The following KIAA1549 variants were observed in gnomAD, a reference collection of about 807,000 sequenced individuals.
KIAA1549 encodes KIAA1549.
A neutral mutation model predicts 156.4 loss-of-function variants in KIAA1549; 70 were observed. The ratio of observed to expected loss-of-function variants is 0.45; its 90% CI spans 0.37 to 0.55. The LOEUF (loss-of-function observed/expected upper bound fraction) is 0.55, where lower values mean the gene tolerates loss of function less well. Ranked by LOEUF, KIAA1549 falls within the 20% of genes least tolerant of loss-of-function variation. The pLI is 0.00. For missense variants in KIAA1549, 2,428 were observed against 2,540.9 expected, an observed-to-expected ratio of 0.96 and a Z score of 0.96; for synonymous variants, 1,103 against 1,066.4, an observed-to-expected ratio of 1.03 and a Z score of -0.67.
chr7:138,971,297 C>G (rs2130572498), intron 1 of KIAA1549, among the ~76,000 whole-genome samples: 1 of 152,278 alleles, frequency 6.6e-6, no homozygotes, highest in East Asian at 1.9e-4. Context: ...TCCAGATCTG[C>G]TCGCCTCCCA....
chr7:138,955,072 C>T (rs1813621825), intron 1 of KIAA1549, among the ~76,000 whole-genome samples: 1 of 152,170 alleles, frequency 6.6e-6, no homozygotes, highest in Non-Finnish European at 1.5e-5. Flanking sequence ...ATTCAAACAC[C>T]GATCAGTGTC....
chr7:138,933,165 A>G (rs888433266), intron 1 of KIAA1549, among the ~76,000 whole-genome samples: 7 of 152,206 alleles, frequency 4.6e-5, no homozygotes, highest in Admixed American at 1.3e-4. Flanking sequence ...AGTCAACTTC[A>G]TGAGCAGTTT....
chr7:138,840,366 T>TTC lies in KIAA1549; in HGVS notation c.5453-89_5453-88insGA. ...GGCTGCCGAGGAAGACACTGTCAAC[T>TTC]CTGACCACTACACTCCTTAATGACA... is the stretch of plus-strand genomic sequence containing the variant. On this transcript the variant is annotated intron_variant, in intron 18 of 19. Transcript: ENST00000422774. 3.4e-6 allele frequency: 4 copies of TTC among 1,178,202 alleles called. No homozygotes were observed. The South Asian group carries it at 4.5e-5, about 13-fold the overall frequency. The allele number at this position is 1,178,202 out of a possible 1,614,324, so 73.0% of individuals were successfully genotyped here. A position where few individuals can be genotyped will look rare whatever the true frequency, so the allele number is the denominator to read the frequency against.
chr7:138,955,063 T>C (rs1467422235), intron 1 of KIAA1549, among the ~76,000 whole-genome samples: 1 of 152,204 alleles, frequency 6.6e-6, no homozygotes, highest in African/African-American at 2.4e-5. Context: ...CATGTCTTCA[T>C]TCAAACACCG....
chr7:138,978,263 AC>A lies in KIAA1549; in HGVS notation c.187+2819del, dbSNP rs1046627046. Among the ~76,000 whole-genome samples, 63 of 152,284 alleles carry A rather than the reference AC, an allele frequency of 4.1e-4. 2 individuals are homozygous for A. Among genetic ancestry groups the A allele is most frequent in the African/African-American group, 1.3e-3 (54 of 41,556 alleles). On this transcript the variant is annotated intron_variant, in intron 1 of 19. Coordinates refer to ENST00000422774, the MANE Select transcript of KIAA1549 (RefSeq NM_001164665.2). The stretch of plus-strand genomic sequence containing the variant: ...GAGATTATGGGTGACTGGTTTCTGT[AC>A]CTTTCAGTAATTTCCAAATTCCCTA...
chr7:138,880,759 A>C (rs1439911613), intron 11 of KIAA1549, among the ~76,000 whole-genome samples: 4 of 152,194 alleles, frequency 2.6e-5, no homozygotes, highest in Non-Finnish European at 5.9e-5. Flanking sequence ...AGGGGCTTCC[A>C]GGTAGCCTGG....
intron 1 of KIAA1549, among the ~76,000 whole-genome samples, chr7:138,925,180 A>G (rs1376298924): frequency 6.6e-6 from 1 of 152,218 alleles, no homozygotes; most frequent in East Asian, 1.9e-4. Context: ...TACAGTAGTG[A>G]GGAAGATGCC....
intron 12 of KIAA1549, among the ~76,000 whole-genome samples, chr7:138,876,950 T>A (rs1048665678): frequency 3.3e-5 from 5 of 152,176 alleles, no homozygotes; most frequent in African/African-American, 7.2e-5. Flanking sequence ...AACAACAGTG[T>A]TCTCTCAGCT....
intron 1 of KIAA1549, among the ~76,000 whole-genome samples, chr7:138,941,093 T>C (rs1813171075): frequency 6.6e-6 from 1 of 152,020 alleles, no homozygotes; most frequent in Non-Finnish European, 1.5e-5. Context: ...AATTAAAAAA[T>C]AATTTAAAAA....
At position 138,899,150 on chromosome 7, in the gene KIAA1549, C is replaced by A. The variant is rs774593496; in HGVS notation, c.3670-18G>T. The A allele has an allele frequency of 6.2e-7, 1 of 1,610,870 alleles. No homozygotes were observed. Among genetic ancestry groups the A allele is most frequent in the Non-Finnish European group, 8.5e-7 (1 of 1,177,318 alleles). On this transcript the variant is annotated intron_variant, in intron 8 of 19. Transcript: ENST00000422774. The stretch of plus-strand genomic sequence containing the variant: ...TTTACCACCTGAAAGATAGCAGAAA[C>A]CATTCACATTGCAGAAGCTCATGTT...
Position 138,865,440 on chromosome 7 carries a change from G to GAA in KIAA1549, c.4929+2533_4929+2534dup, listed in dbSNP as rs112459701. ...ACTTCCCTAGTATAGGCTTGAAGAT[G>GAA]AAAAAAAAAAACCCTGTACATGTAC... On this transcript the variant is annotated intron_variant, in intron 15 of 19. Coordinates refer to ENST00000422774, the MANE Select transcript of KIAA1549 (RefSeq NM_001164665.2). Among the ~76,000 whole-genome samples, 261 of 142,344 alleles carry GAA rather than the reference G, an allele frequency of 1.8e-3. 1 individual carries two copies. Among genetic ancestry groups the GAA allele is most frequent in the African/African-American group, 6.0e-3 (235 of 39,120 alleles). The allele number at this position is 142,344 out of a possible 152,430, so 93.4% of individuals were successfully genotyped here. A position where few individuals can be genotyped will look rare whatever the true frequency, so the allele number is the denominator to read the frequency against.
chr7:138,915,607 CAG>C (rs915021568), intron 2 of KIAA1549, among the ~76,000 whole-genome samples: 1 of 152,016 alleles, frequency 6.6e-6, no homozygotes, highest in African/African-American at 2.4e-5. Context: ...ACCCCGACCA[CAG>C]AGAGGAAAAG....
chr7:138,970,529 A>C lies in KIAA1549; in HGVS notation c.187+10554T>G, dbSNP rs954202975. ...AACCAACAATCTTTGAAGTACACCC[A>C]ACTTCAATGAGAAACTGCACAGTTC... On this transcript the variant is annotated intron_variant, in intron 1 of 19. Coordinates refer to ENST00000422774, the MANE Select transcript of KIAA1549 (RefSeq NM_001164665.2). 5.9e-5 allele frequency among the ~76,000 whole-genome samples: 9 copies of C among 152,330 alleles called. No individual in the cohort carries two copies. In the East Asian group the frequency reaches 1.7e-3, roughly 29 times the overall value.
chr7:138,856,519 GTC>G (rs1325968083), intron 16 of KIAA1549, among the ~76,000 whole-genome samples: 2 of 152,110 alleles, frequency 1.3e-5, no homozygotes, highest in Non-Finnish European at 2.9e-5. Flanking sequence ...CTTTCTATTA[GTC>G]TCTCTGTTTC....
chr7:138,931,174 C>A lies in KIAA1549; in HGVS notation c.188-11736G>T, dbSNP rs573438859. On this transcript the variant is annotated intron_variant, in intron 1 of 19. Coordinates refer to ENST00000422774, the MANE Select transcript of KIAA1549 (RefSeq NM_001164665.2). ...CCAGGACAAATTACAATAGTGACAT[C>A]AAAGGTGACTGATCACAGATCACCA... is the stretch of plus-strand genomic sequence containing the variant. 1.9e-4 allele frequency among the ~76,000 whole-genome samples: 29 copies of A among 152,220 alleles called. No homozygotes were observed. The South Asian group carries it at 4.8e-3, about 25-fold the overall frequency.
rs760405182 is a variant in KIAA1549, at chr7:138,917,059, G to T, written c.2567C>A (p.Pro856His). 3 of 1,607,998 alleles carry T rather than the reference G, an allele frequency of 1.9e-6. No individual in the cohort carries two copies. The highest frequency in any genetic ancestry group is 2.7e-5 in the African/African-American group (2 of 74,824). ...GGTCAGCTCTGTGGGCAGAGGGAAG[G>T]GGGTTGCTTCAGAAACAAACGAGGA... ...SGSSFVSEAT[P>H]FPLPTELTVV... The change falls in exon 2 of 20, where the codon CCC (proline) becomes CAC (histidine). Residue 856 changes from proline (P) to histidine (H), a missense_variant. Physicochemically the swap from Pro to His is moderately conservative, Grantham distance 77 (BLOSUM62 -2). Coordinates refer to ENST00000422774, the MANE Select transcript of KIAA1549 (RefSeq NM_001164665.2).
chr7:138,922,227 G>A (rs1812585164), intron 1 of KIAA1549, among the ~76,000 whole-genome samples: 1 of 152,254 alleles, frequency 6.6e-6, no homozygotes, highest in African/African-American at 2.4e-5. Context: ...CCTAACAACT[G>A]TATGCTTAGA....
intron 12 of KIAA1549, among the ~76,000 whole-genome samples, chr7:138,877,727 CA>C (rs1211305935): frequency 6.6e-5 from 10 of 152,192 alleles, no homozygotes; most frequent in Non-Finnish European, 4.4e-5. Context: ...GCTATCTCTT[CA>C]AATTGTAACA....
chr7:138,911,126 A>T lies in KIAA1549; in HGVS notation c.3145+20T>A. ...GAAATTCTTTTTACAAATAAAAACA[A>T]CTATGCTGAGCTGTCTCACCTGTTT... On this transcript the variant is annotated intron_variant, in intron 4 of 19. Transcript: ENST00000422774. The T allele has an allele frequency of 6.8e-7, 1 of 1,464,802 alleles. No individual in the cohort carries two copies. Among genetic ancestry groups the T allele is most frequent in the East Asian group, 2.4e-5 (1 of 41,090 alleles). The allele number at this position is 1,464,802 out of a possible 1,614,324, so 90.7% of individuals were successfully genotyped here.
Sources: gnomAD v4.1 joint callset for allele counts (sites outside exome capture counted in the v4.1 genomes callset) on GRCh38, gnomAD v4.1.1 for gene constraint, MANE v1.5 for transcripts, NCBI Gene and HGNC (gene_info 2026-07-23, HGNC 2026-07-21) for gene names.